The following RAB3GAP1 variants were observed in gnomAD, a reference collection of about 807,000 sequenced individuals.
RAB3GAP1 encodes the protein RAB3 GTPase activating protein catalytic subunit 1, also known as rab3 GTPase-activating protein catalytic subunit.
Under a neutral mutation model 130.7 loss-of-function variants are expected in RAB3GAP1, and 86 were observed. The observed-to-expected ratio is 0.66, with a 90% confidence interval of 0.55 to 0.79. The LOEUF (loss-of-function observed/expected upper bound fraction) is 0.79, where lower values mean the gene tolerates loss of function less well. Ranked by LOEUF, RAB3GAP1 falls within the 30% of genes least tolerant of loss-of-function variation. The pLI is 0.00. For synonymous variants in RAB3GAP1, 367 were observed against 401.7 expected (o/e 0.91, Z 1.03); for missense variants, 1,029 against 1,169.4 (o/e 0.88, Z 1.75).
At chr2:135,171,417 A>C (rs1470489951), downstream of RAB3GAP1, among the ~76,000 whole-genome samples, 1 of 152,114 alleles carries the variant, frequency 6.6e-6, no homozygotes, top group Admixed American at 6.5e-5. Flanking sequence ...ATCTTGAGCT[A>C]AACTGTCTGC....
chr2:135,128,249 A>G (rs982780333), intron 11 of RAB3GAP1, among the ~76,000 whole-genome samples: 4 of 152,196 alleles, frequency 2.6e-5, no homozygotes, highest in South Asian at 4.1e-4. Context: ...TATAGGGTCA[A>G]TGTCAAGAGT....
chr2:135,126,708 C>T lies in RAB3GAP1; in HGVS notation c.973+52C>T, dbSNP rs755853864. On this transcript the variant is annotated intron_variant, in intron 11 of 23. Transcript: ENST00000264158. ...AAATACTGCTGATCTGCCTAACTTC[C>T]AAATCGGAGACACTGCATACATTCT... 5 of 1,432,256 alleles carry T rather than the reference C, an allele frequency of 3.5e-6. No homozygotes were observed. In the East Asian group the frequency reaches 9.1e-5, roughly 26 times the overall value. The allele number at this position is 1,432,256 out of a possible 1,614,324, so 88.7% of individuals were successfully genotyped here.
chr2:135,071,278 C>A (rs959519591), intron 3 of RAB3GAP1, among the ~76,000 whole-genome samples: 1 of 152,170 alleles, frequency 6.6e-6, no homozygotes, highest in African/African-American at 2.4e-5. Context: ...AGTCTCTACC[C>A]CCCTAACTTC....
intron 5 of RAB3GAP1, among the ~76,000 whole-genome samples, chr2:135,099,431 CTGTG>C (rs141856311): frequency 0.08 from 11,435 of 142,444 alleles, 914 homozygotes; most frequent in African/African-American, 0.21. Context: ...ATTTGTATTT[CTGTG>C]TGTGTGTGTG....
intron 3 of RAB3GAP1, among the ~76,000 whole-genome samples, chr2:135,086,036 C>T (rs1689971799): frequency 6.6e-6 from 1 of 152,136 alleles, no homozygotes; most frequent in African/African-American, 2.4e-5. Context: ...TCGTATCTAA[C>T]TTTTTTGCTG....
chr2:135,153,577 A>G (rs1692231491), intron 18 of RAB3GAP1, 72 bp from the exon 19 acceptor site: 8 of 1,422,198 alleles, frequency 5.6e-6, no homozygotes, highest in South Asian at 2.3e-5. Flanking sequence ...TGAAAATACA[A>G]TTTTGCAAAC....
intron 13 of RAB3GAP1, 53 bp downstream of exon 13, chr2:135,130,774 A>G (rs1439833571): frequency 2.6e-6 from 4 of 1,512,774 alleles, no homozygotes; most frequent in Admixed American, 1.7e-5. Context: ...TTTATTCATT[A>G]TATAGCCAGT....
rs1691611996 is a variant in RAB3GAP1 at position 135,133,868 on chromosome 2, AC to A, written c.1335del (p.Tyr445Ter). The A allele has an allele frequency of 6.2e-7, 1 of 1,613,364 alleles. No homozygotes were observed. The highest frequency in any genetic ancestry group is 8.5e-7 in the Non-Finnish European group (1 of 1,179,486). On this transcript the variant is annotated frameshift_variant, in exon 15 of 24. Transcript: ENST00000264158. LOFTEE classifies it high-confidence loss of function. ...PPSESEDYNL[Y>X]NQFKSAPSDS... ...CTATTTTGTTAAATTTAGAATCTCTACAATCAGTTCAAGTCTGCACCATCTG... is the reference window on the plus strand; with the variant it reads ...CTATTTTGTTAAATTTAGAATCTCTAAATCAGTTCAAGTCTGCACCATCTG...
In RAB3GAP1 at chr2:135,081,327, A is replaced by AAAT. The variant is rs1363481112; in HGVS notation, c.151-9670_151-9669insATA. 2.7e-4 allele frequency among the ~76,000 whole-genome samples: 17 copies of AAAT among 64,048 alleles called. No individual in the cohort carries two copies. In the East Asian group the frequency reaches 3.2e-3, roughly 12 times the overall value. 42.0% of individuals were successfully genotyped at this position (64,048 alleles called of 152,430 possible). A position where few individuals can be genotyped will look rare whatever the true frequency, so the allele number is the denominator to read the frequency against. The stretch of plus-strand genomic sequence containing the variant: ...GTCTCAAAAAAAAAAAAAAAAAAAA[A>AAAT]ATATATATATATATATATATATATA... On this transcript the variant is annotated intron_variant, in intron 3 of 23. Coordinates refer to ENST00000264158, the MANE Select transcript of RAB3GAP1 (RefSeq NM_012233.3).
intron 17 of RAB3GAP1, among the ~76,000 whole-genome samples, chr2:135,141,654 A>C (rs886451270): frequency 6.6e-6 from 1 of 152,136 alleles, no homozygotes; most frequent in Non-Finnish European, 1.5e-5. Context: ...CCAAGTACTG[A>C]AGATATTTTC....
intron 17 of RAB3GAP1, among the ~76,000 whole-genome samples, chr2:135,138,536 A>G (rs529335282): frequency 1.7e-4 from 26 of 151,942 alleles, no homozygotes; most frequent in African/African-American, 6.0e-4. Context: ...TTTGGGTTAT[A>G]TTTCTTATAA....
intron 17 of RAB3GAP1, among the ~76,000 whole-genome samples, chr2:135,143,749 G>A (rs1691914735): frequency 6.6e-6 from 1 of 151,940 alleles, no homozygotes; most frequent in African/African-American, 2.4e-5. Context: ...AGTAGAGACG[G>A]GGTTTCACCA....
rs758211820 is a variant in RAB3GAP1 at position 135,115,180 on chromosome 2, G to A, written c.483-36G>A. The A allele has an allele frequency of 1.0e-5, 16 of 1,573,578 alleles. No individual in the cohort carries two copies. In the South Asian group the frequency reaches 1.7e-4, roughly 16 times the overall value. On this transcript the variant is annotated intron_variant, in intron 6 of 23. Coordinates refer to ENST00000264158, the MANE Select transcript of RAB3GAP1 (RefSeq NM_012233.3). ...GAGGTTCAGGTTTAATGTTTAATGA[G>A]CTTGTATTCCATTCCTATTTAATCA...
intron 5 of RAB3GAP1, among the ~76,000 whole-genome samples, chr2:135,111,589 A>T (rs1446818390): frequency 6.6e-6 from 1 of 152,212 alleles, no homozygotes; most frequent in Non-Finnish European, 1.5e-5. Context: ...GGACATATAC[A>T]TCATTGCTGA....
intron 5 of RAB3GAP1, among the ~76,000 whole-genome samples, chr2:135,109,846 T>A (rs1209576533): frequency 6.6e-6 from 1 of 152,192 alleles, no homozygotes. Context: ...CCTCCCAAAG[T>A]GCTGGGATTA....
Position 135,066,618 on chromosome 2 carries a change from G to A in RAB3GAP1, c.150+8532G>A, listed in dbSNP as rs545681204. ...TTTGGTTTCAGAAATTTAAGTGTGT[G>A]TAAAATTACTTCCAGTGAGTATTAA... On this transcript the variant is annotated intron_variant, in intron 3 of 23. Coordinates refer to ENST00000264158, the MANE Select transcript of RAB3GAP1 (RefSeq NM_012233.3). Among the ~76,000 whole-genome samples the A allele has an allele frequency of 1.1e-4, 16 of 152,212 alleles. No homozygotes were observed. In the East Asian group the frequency reaches 3.1e-3, roughly 29 times the overall value.
rs754183546 is a variant in RAB3GAP1 at position 135,162,721 on chromosome 2, T to C, written c.2387-27T>C. ...AGTATATTTTGCTTAATTTATTTAA[T>C]GCTGGCTTCAATCTTTTCTAAAATA... On this transcript the variant is annotated intron_variant, in intron 20 of 23. Coordinates refer to ENST00000264158, the MANE Select transcript of RAB3GAP1 (RefSeq NM_012233.3). 5 of 1,607,634 alleles carry C rather than the reference T, an allele frequency of 3.1e-6. No homozygotes were observed. The South Asian group carries it at 5.5e-5, about 18-fold the overall frequency.
chr2:135,088,829 A>G (rs1438640395), intron 3 of RAB3GAP1, among the ~76,000 whole-genome samples: 1 of 151,902 alleles, frequency 6.6e-6, no homozygotes, highest in Admixed American at 6.6e-5. Flanking sequence ...AGATGGATAG[A>G]TTGCAAAAAT....
intron 3 of RAB3GAP1, 136 bp downstream of exon 3, chr2:135,058,222 T>A: frequency 1.4e-6 from 1 of 725,924 alleles, no homozygotes; most frequent in Non-Finnish European, 2.4e-6. Flanking sequence ...CAAATAGCAT[T>A]TGGAAGAATT....
Sources: allele counts gnomAD v4.1 joint callset (sites outside exome capture counted in the v4.1 genomes callset), GRCh38; gene constraint gnomAD v4.1.1; transcripts MANE v1.5; gene names NCBI Gene and HGNC (gene_info 2026-07-23, HGNC 2026-07-21).